Variants in SUCLA2 observed in about 807,000 individuals in gnomAD.
SUCLA2 encodes succinate--CoA ligase [ADP-forming] subunit beta, mitochondrial.
SUCLA2 carries 30 observed loss-of-function variants against 54.8 expected under a neutral mutation model. That is an observed-to-expected ratio of 0.55 (90% CI 0.41 to 0.74). SUCLA2 has a LOEUF of 0.74. SUCLA2 is among the 30% of genes least tolerant of loss of function. The pLI, the probability that SUCLA2 is intolerant of heterozygous loss-of-function variation, is 0.00. For synonymous variants in SUCLA2, 172 were observed against 188.9 expected (o/e 0.91, Z 0.74); for missense variants, 476 against 562.9 (o/e 0.85, Z 1.56).
chr13:47,944,283 G>A (rs377026727), intron 10 of SUCLA2, among the ~76,000 whole-genome samples: 4 of 152,200 alleles, frequency 2.6e-5, no homozygotes, highest in African/African-American at 9.6e-5. Flanking sequence ...TGCATGCACA[G>A]TAAACACTCA....
chr13:47,979,449 G>C (rs1457841573), intron 4 of SUCLA2, among the ~76,000 whole-genome samples: 1 of 152,048 alleles, frequency 6.6e-6, no homozygotes, highest in African/African-American at 2.4e-5. Context: ...AGAACACATG[G>C]ACACAGGGAG....
Position 47,954,395 on chromosome 13 carries a change from C to T in SUCLA2, c.964+1G>A. 1 of 1,613,910 alleles carries T rather than the reference C, an allele frequency of 6.2e-7. No individual in the cohort carries two copies. The highest frequency in any genetic ancestry group is 8.5e-7 in the Non-Finnish European group (1 of 1,179,868). ...AATTCTAACATAAAAACACATGGTA[C>T]CTAGGCAGCCTATATTTCCATCGAG... On this transcript the variant is annotated splice_donor_variant, in intron 7 of 10. Transcript: ENST00000646932. LOFTEE classifies it high-confidence loss of function.
intron 2 of SUCLA2, among the ~76,000 whole-genome samples, chr13:47,989,849 T>C (rs1292909650): frequency 6.6e-6 from 1 of 152,236 alleles, no homozygotes; most frequent in Non-Finnish European, 1.5e-5. Flanking sequence ...AGTAGTACTA[T>C]CAGGAGTTAT....
Position 48,000,974 on chromosome 13 carries a change from C to A in SUCLA2, c.90+206G>T, listed in dbSNP as rs115141164. 3,974 of 1,420,108 alleles carry A rather than the reference C, an allele frequency of 2.8e-3. 94 individuals are homozygous for A. In the African/African-American group the frequency reaches 0.051, roughly 18 times the overall value. 88.0% of individuals were successfully genotyped at this position (1,420,108 alleles called of 1,614,324 possible). On this transcript the variant is annotated intron_variant, in intron 1 of 10. Coordinates refer to ENST00000646932, the MANE Select transcript of SUCLA2 (RefSeq NM_003850.3). ...CCGGGCCGCCGGGGATCCTCGCGGACTAAGGGCTGGGTCAGAGCCGCGCAA... is the reference window on the plus strand; with the variant it reads ...CCGGGCCGCCGGGGATCCTCGCGGAATAAGGGCTGGGTCAGAGCCGCGCAA...
intron 10 of SUCLA2, among the ~76,000 whole-genome samples, chr13:47,948,390 T>TGC (rs1342327853): frequency 2.0e-5 from 3 of 152,058 alleles, no homozygotes; most frequent in African/African-American, 7.2e-5. Context: ...CATGTGTGTG[T>TGC]GCGCACATGT....
intron 6 of SUCLA2, among the ~76,000 whole-genome samples, chr13:47,968,087 A>C (rs2137714823): frequency 6.6e-6 from 1 of 152,322 alleles, no homozygotes; most frequent in Admixed American, 6.5e-5. Flanking sequence ...CAATCTATAT[A>C]TCCAGATAGC....
chr13:47,949,307 G>T lies in SUCLA2; in HGVS notation c.1228+176C>A, dbSNP rs530842991. On this transcript the variant is annotated intron_variant, in intron 9 of 10. Transcript: ENST00000646932. ...GTGTATCAAATTATACCAAGCAAAAGTATAAACATTTTGCCCCAATGTTAA... is the reference window on the plus strand; with the variant it reads ...GTGTATCAAATTATACCAAGCAAAATTATAAACATTTTGCCCCAATGTTAA... 5.3e-5 allele frequency among the ~76,000 whole-genome samples: 8 copies of T among 152,234 alleles called. No homozygotes were observed. The East Asian group carries it at 1.5e-3, about 29-fold the overall frequency.
At chr13:47,978,859 T>C (rs1033094444) in intron 4 of SUCLA2, among the ~76,000 whole-genome samples, 10 of 152,156 alleles carry the variant, frequency 6.6e-5, no homozygotes, top group Admixed American at 6.5e-4. Context: ...GAGAAGGATA[T>C]GAACAGATAC....
At chr13:47,998,411 T>C (rs1284687109) in intron 1 of SUCLA2, among the ~76,000 whole-genome samples, 1 of 151,670 alleles carries the variant, frequency 6.6e-6, no homozygotes. Context: ...TAGAAATTAG[T>C]CCTTACATCT....
rs932069117 is a variant in SUCLA2 at position 47,943,683 on chromosome 13, TA to T, written c.1318-239del. Among the ~76,000 whole-genome samples, 55 of 151,216 alleles carry T rather than the reference TA, an allele frequency of 3.6e-4. 1 individual carries two copies. Among genetic ancestry groups the T allele is most frequent in the African/African-American group, 7.3e-5 (3 of 41,220 alleles). The stretch of plus-strand genomic sequence containing the variant: ...CTGATTAAGATGTTATACCACCTGC[TA>T]GGATTACACATATGTATTACATAAG... On this transcript the variant is annotated intron_variant, in intron 10 of 10. Coordinates refer to ENST00000646932, the MANE Select transcript of SUCLA2 (RefSeq NM_003850.3).
chr13:47,961,670 T>A (rs78252818), intron 6 of SUCLA2, among the ~76,000 whole-genome samples: 1 of 152,138 alleles, frequency 6.6e-6, no homozygotes, highest in Non-Finnish European at 1.5e-5. Context: ...AGATATGTTG[T>A]TAATATGCAT....
intron 4 of SUCLA2, among the ~76,000 whole-genome samples, chr13:47,975,908 C>T (rs1032693248): frequency 6.6e-6 from 1 of 152,156 alleles, no homozygotes; most frequent in African/African-American, 2.4e-5. Flanking sequence ...ACCCACTCTG[C>T]ATAGAAGAAA....
chr13:47,984,879 CAAAAATTG>C (rs1950088648), intron 4 of SUCLA2, among the ~76,000 whole-genome samples: 1 of 152,146 alleles, frequency 6.6e-6, no homozygotes, highest in Admixed American at 6.5e-5. Context: ...CAGGTAAAGT[CAAAAATTG>C]ACACAGGAAA....
intron 4 of SUCLA2, among the ~76,000 whole-genome samples, chr13:47,978,184 C>T (rs1399844855): frequency 6.6e-6 from 1 of 152,058 alleles, no homozygotes; most frequent in Non-Finnish European, 1.5e-5. Context: ...TCATATGGTA[C>T]CAAAAAAGAG....
At chr13:47,998,314 GA>G (rs1288510378) in intron 1 of SUCLA2, among the ~76,000 whole-genome samples, 161 of 120,020 alleles carry the variant, frequency 1.3e-3, no homozygotes, top group African/African-American at 4.7e-3. Flanking sequence ...AAAAAAAAAA[GA>G]AAAAAAAACC....
intron 6 of SUCLA2, among the ~76,000 whole-genome samples, chr13:47,963,408 C>T (rs1442120138): frequency 6.6e-6 from 1 of 152,142 alleles, no homozygotes; most frequent in African/African-American, 2.4e-5. Context: ...CTTTGGGAGG[C>T]TGAAGCAGGC....
At chr13:47,975,924 T>C (rs755908004) in intron 4 of SUCLA2, among the ~76,000 whole-genome samples, 1 of 152,308 alleles carries the variant, frequency 6.6e-6, no homozygotes, top group Non-Finnish European at 1.5e-5. Flanking sequence ...AGAAATGGGC[T>C]AAGTCAACTG....
At position 47,949,295 on chromosome 13, in the gene SUCLA2, T is replaced by C. The variant is rs562429458; in HGVS notation, c.1228+188A>G. 2.6e-5 allele frequency among the ~76,000 whole-genome samples: 4 copies of C among 152,318 alleles called. No individual in the cohort carries two copies. The East Asian group carries it at 7.7e-4, about 29-fold the overall frequency. On this transcript the variant is annotated intron_variant, in intron 9 of 10. Coordinates refer to ENST00000646932, the MANE Select transcript of SUCLA2 (RefSeq NM_003850.3). The stretch of plus-strand genomic sequence containing the variant: ...AACAAATAAAAAGTGTATCAAATTA[T>C]ACCAAGCAAAAGTATAAACATTTTG...
chr13:47,965,973 G>A (rs1038893001), intron 6 of SUCLA2, among the ~76,000 whole-genome samples: 14 of 152,172 alleles, frequency 9.2e-5, no homozygotes, highest in Admixed American at 5.2e-4. Flanking sequence ...GTGAGAACCC[G>A]GGAGGTGGAG....
Sources: gnomAD v4.1 joint callset for allele counts (sites outside exome capture counted in the v4.1 genomes callset) on GRCh38, gnomAD v4.1.1 for gene constraint, MANE v1.5 for transcripts, NCBI Gene and HGNC (gene_info 2026-07-23, HGNC 2026-07-21) for gene names.